POFUT2: variants seen among roughly 807,000 people sequenced by gnomAD.
POFUT2 encodes protein O-fucosyltransferase 2.
A neutral mutation model predicts 55.0 loss-of-function variants in POFUT2; 30 were observed. The observed-to-expected ratio is 0.55, with a 90% confidence interval of 0.41 to 0.74. The LOEUF is 0.74. Ranked by LOEUF, POFUT2 falls within the 30% of genes least tolerant of loss-of-function variation. POFUT2 has a pLI of 0.00. For synonymous variants in POFUT2, 267 were observed against 231.1 expected (o/e 1.16, Z -1.41); for missense variants, 524 against 562.6 (o/e 0.93, Z 0.69).
rs754742126 is a variant in POFUT2 at position 45,277,040 on chromosome 21, G to A, written c.808C>T (p.Gln270Ter). The A allele has an allele frequency of 1.2e-6, 2 of 1,614,008 alleles. No individual in the cohort carries two copies. The highest frequency in any genetic ancestry group is 3.3e-5 in the Admixed American group (2 of 60,014). Residue 270 changes from glutamine to a stop codon, truncating the protein, a stop_gained, in exon 6 of 9, where the codon CAG (glutamine) becomes TAG (stop). Coordinates refer to ENST00000349485, the MANE Select transcript of POFUT2 (RefSeq NM_133635.6). LOFTEE classifies it high-confidence loss of function. This position sits in a 1 kb window ranked among gnomAD's most constrained non-coding sequence, Gnocchi z 6.9. ...STDDADRIPF[Q>*]EDWMKMKVKL... The stretch of plus-strand genomic sequence containing the variant: ...ACCTTCATCTTCATCCAGTCCTCCT[G>A]GAAGGGGATCCTGTCTGCGTCGTCC...
At chr21:45,274,638 G>T (rs2093247273) in intron 6 of POFUT2, among the ~76,000 whole-genome samples, 1 of 152,172 alleles carries the variant, frequency 6.6e-6, no homozygotes, top group African/African-American at 2.4e-5. Context: ...GAGCAGAAGA[G>T]AACCCAGAAA....
At position 45,285,315 on chromosome 21, in the gene POFUT2, C is replaced by T. The variant is rs908601125; in HGVS notation, c.382+363G>A. 9 of 344,778 alleles carry T rather than the reference C, an allele frequency of 2.6e-5. No individual in the cohort carries two copies. The highest frequency in any genetic ancestry group is 4.0e-5 in the Non-Finnish European group (7 of 176,882). 21.4% of individuals were successfully genotyped at this position (344,778 alleles called of 1,614,324 possible). ...GAGACACCACGAAGCATACTCCACA[C>T]GCAGTGCGTCTTCCTGAACGTAAAA... On this transcript the variant is annotated intron_variant, in intron 2 of 8. Coordinates refer to ENST00000349485, the MANE Select transcript of POFUT2 (RefSeq NM_133635.6). This position sits in a 1 kb window ranked among gnomAD's most constrained non-coding sequence, Gnocchi z 4.9.
chr21:45,269,848 CG>C lies in POFUT2; in HGVS notation c.1002del (p.Val335SerfsTer8), dbSNP rs1569218709. 1 of 1,602,230 alleles carries C rather than the reference CG, an allele frequency of 6.2e-7. No homozygotes were observed. The highest frequency in any genetic ancestry group is 1.1e-5 in the South Asian group (1 of 88,188). ...CATTGAAGCTCCATACCCTTTCTGA[CG>C]GCATCTGTGGCCACAAACACCTTGT... ...RLDKVFVATD[A>X]VRKEYEELKK... On this transcript the variant is annotated frameshift_variant, in exon 7 of 9. Coordinates refer to ENST00000349485, the MANE Select transcript of POFUT2 (RefSeq NM_133635.6). LOFTEE classifies it high-confidence loss of function.
intron 1 of POFUT2, among the ~76,000 whole-genome samples, chr21:45,287,337 C>A (rs2031564610): frequency 1.4e-5 from 1 of 69,530 alleles, no homozygotes; most frequent in African/African-American, 6.3e-5. Context: ...AGCCCCTGCC[C>A]CGCCCCCATC....
chr21:45,277,578 T>G lies in POFUT2; in HGVS notation c.706-436A>C, dbSNP rs1602194723. 4.5e-6 allele frequency: 1 copy of G among 220,190 alleles called. No homozygotes were observed. The highest frequency in any genetic ancestry group is 9.1e-6 in the Non-Finnish European group (1 of 109,364). 13.6% of individuals were successfully genotyped at this position (220,190 alleles called of 1,614,324 possible). On this transcript the variant is annotated intron_variant, in intron 5 of 8. Coordinates refer to ENST00000349485, the MANE Select transcript of POFUT2 (RefSeq NM_133635.6). The surrounding 1 kb of genome is among the most constrained non-coding windows in gnomAD (Gnocchi z 6.9). ...AGGGACTGTGTCTCCTGCAGGCAGG[T>G]TCCGGCTTTACAAGCTGCTGCCCTG... is the stretch of plus-strand genomic sequence containing the variant.
Position 45,281,891 on chromosome 21 carries a change from C to T in POFUT2, c.638+458G>A, listed in dbSNP as rs1434639950. ...ACCCTCGAGGCCCAGCTCACCAGGC[C>T]GGCGACCACTTGAGGCAGACGCATG... On this transcript the variant is annotated intron_variant, in intron 4 of 8. Transcript: ENST00000349485. This position sits in a 1 kb window ranked among gnomAD's most constrained non-coding sequence, Gnocchi z 5.0. 6.6e-6 allele frequency among the ~76,000 whole-genome samples: 1 copy of T among 152,104 alleles called. No homozygotes were observed. Among genetic ancestry groups the T allele is most frequent in the Non-Finnish European group, 1.5e-5 (1 of 68,032 alleles).
Position 45,265,112 on chromosome 21 carries a change from C to T in POFUT2, c.*370G>A, listed in dbSNP as rs1276916705. On this transcript the variant is annotated 3_prime_UTR_variant, in exon 9 of 9. Coordinates refer to ENST00000349485, the MANE Select transcript of POFUT2 (RefSeq NM_133635.6). This position sits in a 1 kb window ranked among gnomAD's most constrained non-coding sequence, Gnocchi z 4.6. ...GGGCAGCTCACCCGCCTGCATCTAT[C>T]CTCAATGCACTTAAAATATGAAGAC... 2 of 176,006 alleles carry T rather than the reference C, an allele frequency of 1.1e-5. No homozygotes were observed. The highest frequency in any genetic ancestry group is 4.7e-5 in the African/African-American group (2 of 42,374). The allele number at this position is 176,006 out of a possible 1,614,324, so 10.9% of individuals were successfully genotyped here.
intron 7 of POFUT2, among the ~76,000 whole-genome samples, chr21:45,269,578 G>A (rs948579945): frequency 4.6e-5 from 7 of 152,124 alleles, no homozygotes; most frequent in South Asian, 4.1e-4. Context: ...TTAAACAGAC[G>A]CTTGAAGGCA....
intron 6 of POFUT2, among the ~76,000 whole-genome samples, chr21:45,275,866 C>A (rs1056403509): frequency 1.3e-5 from 2 of 149,192 alleles, no homozygotes; most frequent in African/African-American, 5.0e-5. Flanking sequence ...CCACCTGCTC[C>A]CCAAAAATGA....
rs1198847486 is a variant in POFUT2 at position 45,284,145 on chromosome 21, G to T, written c.383-618C>A. Among the ~76,000 whole-genome samples the T allele has an allele frequency of 6.6e-6, 1 of 150,978 alleles. No individual in the cohort carries two copies. The highest frequency in any genetic ancestry group is 1.5e-5 in the Non-Finnish European group (1 of 67,810). ...GAGCACCGCGCAGGTGAAGTTCTGG[G>T]GCAGGAACAAAGCGGGAGGGAGCAC... On this transcript the variant is annotated intron_variant, in intron 2 of 8. Transcript: ENST00000349485. This position sits in a 1 kb window ranked among gnomAD's most constrained non-coding sequence, Gnocchi z 5.8.
At position 45,270,040 on chromosome 21, in the gene POFUT2, A is replaced by G; in HGVS notation, c.832-21T>C. ...TTGACCTAGCAAAGAACCACAAGGAAATGCAGAAGCTGACAGGCGGGCTCG... is the reference window on the plus strand; with the variant it reads ...TTGACCTAGCAAAGAACCACAAGGAGATGCAGAAGCTGACAGGCGGGCTCG... On this transcript the variant is annotated intron_variant, in intron 6 of 8. Transcript: ENST00000349485. This position sits in a 1 kb window ranked among gnomAD's most constrained non-coding sequence, Gnocchi z 4.6. 1.3e-6 allele frequency: 2 copies of G among 1,511,298 alleles called. No homozygotes were observed. 93.6% of individuals were successfully genotyped at this position (1,511,298 alleles called of 1,614,324 possible). A position where few individuals can be genotyped will look rare whatever the true frequency, so the allele number is the denominator to read the frequency against.
At position 45,270,773 on chromosome 21, in the gene POFUT2, C is replaced by CT. The variant is rs1825431480; in HGVS notation, c.832-755dup. On this transcript the variant is annotated intron_variant, in intron 6 of 8. Transcript: ENST00000349485. The surrounding 1 kb of genome is among the most constrained non-coding windows in gnomAD (Gnocchi z 4.6). ...AGCATCCCAGGGCCTGGTAGCCCCA[C>CT]TGGGTGGCTAGACCCAGAAGAGCAA... Among the ~76,000 whole-genome samples, 1 of 152,254 alleles carries CT rather than the reference C, an allele frequency of 6.6e-6. No individual in the cohort carries two copies. The highest frequency in any genetic ancestry group is 6.5e-5 in the Admixed American group (1 of 15,282).
chr21:45,268,351 C>A (rs867910803), intron 7 of POFUT2, among the ~76,000 whole-genome samples: 1 of 152,146 alleles, frequency 6.6e-6, no homozygotes, highest in African/African-American at 2.4e-5. Flanking sequence ...ACCTCCCAGC[C>A]GCCTGCCTTG....
intron 6 of POFUT2, among the ~76,000 whole-genome samples, chr21:45,272,492 G>A (rs958994957): frequency 3.3e-5 from 5 of 152,148 alleles, no homozygotes; most frequent in Non-Finnish European, 7.4e-5. Context: ...GCACTGGACA[G>A]GTCATCAAGA....
chr21:45,268,909 TG>T (rs1220817009), intron 7 of POFUT2, among the ~76,000 whole-genome samples: 1 of 78,576 alleles, frequency 1.3e-5, no homozygotes. Flanking sequence ...GGGAGGGAGG[TG>T]GGGGGGTCAG....
chr21:45,283,314 G>GT, intron 3 of POFUT2, 69 bp downstream of exon 3: 1 of 802,536 alleles, frequency 1.2e-6, no homozygotes, highest in Non-Finnish European at 1.8e-6. Context: ...GAGGCGGGGG[G>GT]GGGGGGACGC....
rs2030854654 is a variant in POFUT2 at position 45,282,819 on chromosome 21, G to A, written c.528-360C>T. The A allele has an allele frequency of 4.1e-6, 2 of 488,954 alleles. No homozygotes were observed. Among genetic ancestry groups the A allele is most frequent in the Admixed American group, 2.3e-5 (1 of 43,056 alleles). 30.3% of individuals were successfully genotyped at this position (488,954 alleles called of 1,614,324 possible). A position where few individuals can be genotyped will look rare whatever the true frequency, so the allele number is the denominator to read the frequency against. On this transcript the variant is annotated intron_variant, in intron 3 of 8. Transcript: ENST00000349485. The surrounding 1 kb of genome is among the most constrained non-coding windows in gnomAD (Gnocchi z 4.6). Reference sequence around the variant, plus strand: ...AAGAGCTCACCTGCCATGCTTTAGAGCCAGCTGCCCTGGCACTGGACACAT... The same window carrying A: ...AAGAGCTCACCTGCCATGCTTTAGAACCAGCTGCCCTGGCACTGGACACAT...
chr21:45,274,591 CATGG>C (rs2146595444), intron 6 of POFUT2, among the ~76,000 whole-genome samples: 1 of 152,332 alleles, frequency 6.6e-6, no homozygotes, highest in Admixed American at 6.5e-5. Context: ...ACCAAAACAG[CATGG>C]TACCGCTATA....
intron 4 of POFUT2, among the ~76,000 whole-genome samples, chr21:45,280,111 G>A (rs2030417574): frequency 6.6e-6 from 1 of 152,150 alleles, no homozygotes; most frequent in Admixed American, 6.5e-5. Context: ...TAGACAAACT[G>A]CTCCAAAATG....
Sources: gnomAD v4.1 joint callset for allele counts (sites outside exome capture counted in the v4.1 genomes callset) on GRCh38, gnomAD v4.1.1 for gene constraint, Gnocchi (gnomAD v3.1) non-coding constraint, MANE v1.5 for transcripts, NCBI Gene and HGNC (gene_info 2026-07-23, HGNC 2026-07-21) for gene names.